Variants in MOK observed in about 807,000 individuals in gnomAD.
The protein encoded by MOK is MOK protein kinase, also known as MAPK/MAK/MRK overlapping kinase.
In MOK, 59 loss-of-function variants were observed where a neutral mutation model predicts 54.2. The observed-to-expected ratio is 1.09, with a 90% CI of 0.88 to 1.35. The LOEUF (loss-of-function observed/expected upper bound fraction) is 1.35, where lower values mean the gene tolerates loss of function less well. MOK is among the 40% of genes most tolerant of loss of function. The probability of loss-of-function intolerance (pLI) is 0.00; values close to 1 mark genes in which losing one functional copy is unlikely to be tolerated. For missense variants in MOK, 517 were observed against 526.2 expected (o/e 0.98, Z 0.17); for synonymous variants, 210 against 202.7 (o/e 1.04, Z -0.31).
chr14:102,302,862 T>C (rs1030197285), intron 1 of MOK, among the ~76,000 whole-genome samples: 13 of 151,532 alleles, frequency 8.6e-5, no homozygotes, highest in African/African-American at 2.7e-4. Flanking sequence ...TAGTGGGGTA[T>C]GAAGAGTCTA....
At chr14:102,298,715 C>T (rs1184402508) in intron 1 of MOK, among the ~76,000 whole-genome samples, 1 of 152,186 alleles carries the variant, frequency 6.6e-6, no homozygotes, top group Non-Finnish European at 1.5e-5. Flanking sequence ...TGGCAACATG[C>T]TCCAGTCCCC....
chr14:102,224,550 CCT>C, downstream of MOK: 1 of 455,984 alleles, frequency 2.2e-6, no homozygotes, highest in African/African-American at 2.0e-5. Context: ...GTGTCTGAAA[CCT>C]ATTTCTCTAA....
chr14:102,225,539 C>G (rs1482940497), downstream of MOK: 1 of 152,496 alleles, frequency 6.6e-6, no homozygotes, highest in Admixed American at 6.5e-5. Flanking sequence ...TGGCATCACT[C>G]GAGATGGTTA....
rs996647030 is a variant in MOK, at chr14:102,288,123, C to T, written c.8-4531G>A. Among the ~76,000 whole-genome samples the T allele has an allele frequency of 4.0e-5, 6 of 150,860 alleles. 1 individual carries two copies. The highest frequency in any genetic ancestry group is 9.9e-5 in the African/African-American group (4 of 40,250). On this transcript the variant is annotated intron_variant, in intron 1 of 11. Coordinates refer to ENST00000361847, the MANE Select transcript of MOK (RefSeq NM_014226.3). ...TGCTGGGATTACAGGCGTGAGCCAC[C>T]GCACCCGGCCTGAGATGTTAAACAG...
chr14:102,270,304 T>G (rs2068245148), intron 2 of MOK, among the ~76,000 whole-genome samples: 1 of 152,190 alleles, frequency 6.6e-6, no homozygotes, highest in East Asian at 1.9e-4. Context: ...AAATCAATTA[T>G]CTAAATGTCC....
At chr14:102,304,073 T>TA (rs1463095962) in intron 1 of MOK, among the ~76,000 whole-genome samples, 1 of 152,102 alleles carries the variant, frequency 6.6e-6, no homozygotes, top group Non-Finnish European at 1.5e-5. Flanking sequence ...TCCAACAAAA[T>TA]AAAATAAAAA....
intron 2 of MOK, 139 bp downstream of exon 2, chr14:102,283,337 CAT>C: frequency 1.7e-6 from 1 of 574,102 alleles, no homozygotes. Flanking sequence ...ATAACATTAG[CAT>C]ATAACCCTCA....
At chr14:102,227,464 C>T (rs1438026742), downstream of MOK, among the ~76,000 whole-genome samples, 4 of 152,126 alleles carry the variant, frequency 2.6e-5, no homozygotes, top group Non-Finnish European at 5.9e-5. Context: ...CACCCCCCTG[C>T]TCAGACACCT....
At chr14:102,251,069 C>A in intron 6 of MOK, 79 bp from the exon 7 acceptor site, 1 of 1,465,046 alleles carries the variant, frequency 6.8e-7, no homozygotes, top group Non-Finnish European at 9.3e-7. Context: ...AATATTTATG[C>A]ACCAGCAGGA....
intron 1 of MOK, among the ~76,000 whole-genome samples, chr14:102,303,084 C>G (rs1208805463): frequency 6.6e-6 from 1 of 151,740 alleles, no homozygotes; most frequent in African/African-American, 2.4e-5. Context: ...TCACTTGAAC[C>G]CGGGAGGCAG....
intron 7 of MOK, among the ~76,000 whole-genome samples, chr14:102,246,820 C>G (rs2066130123): frequency 6.6e-6 from 1 of 152,178 alleles, no homozygotes; most frequent in Admixed American, 6.5e-5. Context: ...CTATCCAGCA[C>G]CACTGTGCGC....
chr14:102,221,667 C>T (rs11160675), downstream of MOK, among the ~76,000 whole-genome samples: 895 of 152,260 alleles, frequency 5.9e-3, 9 homozygotes, highest in African/African-American at 0.02. The surrounding 1 kb of genome is among the most constrained non-coding windows in gnomAD (Gnocchi z 4.8). Flanking sequence ...AGGTAAGAAA[C>T]GGGATGAAAT....
chr14:102,224,427 A>G (rs997920350), downstream of MOK: 2 of 376,760 alleles, frequency 5.3e-6, no homozygotes, highest in African/African-American at 2.1e-5. Context: ...AGTTACTGGA[A>G]TCCCAACAGA....
chr14:102,260,833 A>T (rs930869980), intron 4 of MOK, among the ~76,000 whole-genome samples: 6 of 152,170 alleles, frequency 3.9e-5, no homozygotes, highest in Non-Finnish European at 7.3e-5. Context: ...AAATACATAT[A>T]TTCTAAGGCT....
At position 102,256,997 on chromosome 14, in the gene MOK, C is replaced by T. The variant is rs12881151; in HGVS notation, c.284-5002G>A. Among the ~76,000 whole-genome samples the T allele has an allele frequency of 8.4e-3, 1,276 of 151,938 alleles. 14 individuals are homozygous for T. The highest frequency in any genetic ancestry group is 0.012 in the Non-Finnish European group (792 of 67,966). ...AGAGACATTCATCCAGAGACAGTGG[C>T]GGGCAAAGGGCCTTCGCCATCCCTT... On this transcript the variant is annotated intron_variant, in intron 4 of 11. Transcript: ENST00000361847.
At chr14:102,247,034 C>T (rs1331847909) in intron 7 of MOK, among the ~76,000 whole-genome samples, 2 of 150,748 alleles carry the variant, frequency 1.3e-5, no homozygotes, top group Non-Finnish European at 2.9e-5. Flanking sequence ...GGCCGACACC[C>T]CCATTTATCC....
In MOK at chr14:102,231,819, T is replaced by G; in HGVS notation, c.869A>C (p.Lys290Thr). 1 of 1,610,872 alleles carries G rather than the reference T, an allele frequency of 6.2e-7. No individual in the cohort carries two copies. Among genetic ancestry groups the G allele is most frequent in the Admixed American group, 1.7e-5 (1 of 59,986 alleles). ...LQHPYFQEQR[K>T]TEKRALGSHR... ...GCTGCCCAGAGCCCGCTTCTCTGTT[T>G]TCCTACGGGGAAGGAGAAGAGAATG... is the stretch of plus-strand genomic sequence containing the variant. Residue 290 changes from lysine to threonine, a missense_variant and splice_region_variant, in exon 10 of 12, where the codon AAA becomes ACA. Lys to Thr is a moderately conservative substitution (Grantham distance 78). Transcript: ENST00000361847. This position sits in a 1 kb window ranked among gnomAD's most constrained non-coding sequence, Gnocchi z 4.4.
intron 2 of MOK, among the ~76,000 whole-genome samples, chr14:102,266,517 T>C (rs1049806614): frequency 6.6e-6 from 1 of 152,120 alleles, no homozygotes; most frequent in Non-Finnish European, 1.5e-5. Flanking sequence ...CCCAAAGTAC[T>C]GTGATTACAA....
intron 7 of MOK, among the ~76,000 whole-genome samples, chr14:102,239,323 C>G (rs2065490766): frequency 6.9e-6 from 1 of 145,290 alleles, no homozygotes; most frequent in African/African-American, 2.4e-5. Context: ...TCAGAGCCAG[C>G]CCAAAGGCAC....
Sources: allele counts gnomAD v4.1 joint callset (sites outside exome capture counted in the v4.1 genomes callset), GRCh38; gene constraint gnomAD v4.1.1; non-coding constraint Gnocchi (gnomAD v3.1); transcripts MANE v1.5; gene names NCBI Gene and HGNC (gene_info 2026-07-23, HGNC 2026-07-21).